Variants in RIMS1 observed in about 807,000 individuals in gnomAD.
RIMS1 encodes the protein regulating synaptic membrane exocytosis protein 1.
Under a neutral mutation model 214.1 loss-of-function variants are expected in RIMS1, and 83 were observed. The ratio of observed to expected loss-of-function variants is 0.39; its 90% CI spans 0.32 to 0.47. RIMS1 has a LOEUF of 0.47. RIMS1 is among the 20% of genes least tolerant of loss of function. RIMS1 has a pLI of 0.99. For missense variants in RIMS1, 2,050 were observed against 2,161.8 expected, an observed-to-expected ratio of 0.95 and a Z score of 1.03; for synonymous variants, 793 against 786.8, an observed-to-expected ratio of 1.01 and a Z score of -0.13.
At chr6:72,356,560 A>C (rs1037900790) in intron 29 of RIMS1, among the ~76,000 whole-genome samples, 2 of 151,224 alleles carry the variant, frequency 1.3e-5, no homozygotes, top group Admixed American at 1.3e-4. Flanking sequence ...GGAGTTCAAG[A>C]CCAGTCTGGC....
At chr6:72,290,621 G>T (rs1438649614) in intron 24 of RIMS1, 58 bp from the exon 25 acceptor site, 1 of 1,466,564 alleles carries the variant, frequency 6.8e-7, no homozygotes, top group Non-Finnish European at 9.3e-7. Context: ...AAATGTGTTG[G>T]TATCAAAGTT....
chr6:71,930,632 T>A (rs1190903502), intron 1 of RIMS1, among the ~76,000 whole-genome samples: 1 of 152,060 alleles, frequency 6.6e-6, no homozygotes, highest in Non-Finnish European at 1.5e-5. Context: ...ATTTTACTGG[T>A]TTTTGAGTGA....
At chr6:72,047,120 T>C (rs17491332) in intron 2 of RIMS1, among the ~76,000 whole-genome samples, 17,461 of 152,226 alleles carry the variant, frequency 0.11, 1,193 homozygotes, top group South Asian at 0.17. Context: ...AATAGATATT[T>C]TTTAAAGCAA....
chr6:72,284,473 A>G lies in RIMS1; in HGVS notation c.3554+355A>G, dbSNP rs542457006. On this transcript the variant is annotated intron_variant, in intron 24 of 33. Coordinates refer to ENST00000521978, the MANE Select transcript of RIMS1 (RefSeq NM_014989.7). ...TACCAATGAATGTAGTGCCTGGAAT[A>G]TGCAAATTATTGACTGTCTTATTTA... Among the ~76,000 whole-genome samples, 16 of 152,130 alleles carry G rather than the reference A, an allele frequency of 1.1e-4. No individual in the cohort carries two copies. In the South Asian group the frequency reaches 3.3e-3, roughly 32 times the overall value.
chr6:72,385,218 A>G (rs1009942628), intron 29 of RIMS1, among the ~76,000 whole-genome samples: 2 of 152,214 alleles, frequency 1.3e-5, no homozygotes, highest in African/African-American at 4.8e-5. Flanking sequence ...AATGGATACA[A>G]ATAATTAATA....
intron 2 of RIMS1, among the ~76,000 whole-genome samples, chr6:72,069,895 T>TG (rs1387238181): frequency 6.6e-6 from 1 of 152,204 alleles, no homozygotes; most frequent in Admixed American, 6.5e-5. Context: ...TTGTATGTGT[T>TG]GGGATGAGAT....
Position 72,335,234 on chromosome 6 carries a change from C to T in RIMS1, c.4366+1399C>T, listed in dbSNP as rs562388390. The stretch of plus-strand genomic sequence containing the variant: ...ATTTCTGCTATCCCTCCCCTAGGCC[C>T]CCACCTGCTGACAGGCCCCGGTGTG... On this transcript the variant is annotated intron_variant, in intron 29 of 33. Transcript: ENST00000521978. Among the ~76,000 whole-genome samples, 68 of 152,066 alleles carry T rather than the reference C, an allele frequency of 4.5e-4. No homozygotes were observed. In the South Asian group the frequency reaches 7.7e-3, roughly 17 times the overall value.
intron 16 of RIMS1, among the ~76,000 whole-genome samples, chr6:72,253,891 G>A (rs1461710220): frequency 2.0e-5 from 3 of 151,982 alleles, no homozygotes; most frequent in Non-Finnish European, 4.4e-5. Context: ...ATTTGAGACG[G>A]AGTCTCACTC....
At chr6:72,184,836 A>G (rs1198685636) in intron 6 of RIMS1, among the ~76,000 whole-genome samples, 1 of 152,192 alleles carries the variant, frequency 6.6e-6, no homozygotes, top group Non-Finnish European at 1.5e-5. Context: ...TAAGGCAGGA[A>G]GGGTTAGGCT....
At chr6:72,296,036 A>G (rs1454066292) in intron 26 of RIMS1, 1 of 195,058 alleles carries the variant, frequency 5.1e-6, no homozygotes, top group East Asian at 1.8e-4. Flanking sequence ...CAAGAGTTAT[A>G]TAACTGTATT....
At chr6:72,291,500 C>T (rs1487528655) in intron 25 of RIMS1, among the ~76,000 whole-genome samples, 1 of 152,124 alleles carries the variant, frequency 6.6e-6, no homozygotes, top group African/African-American at 2.4e-5. Context: ...GAATTCTTAT[C>T]AGTTATAAAT....
intron 29 of RIMS1, among the ~76,000 whole-genome samples, chr6:72,389,967 C>T (rs1437948889): frequency 6.6e-6 from 1 of 152,106 alleles, no homozygotes; most frequent in African/African-American, 2.4e-5. Flanking sequence ...AGTCAAAAGG[C>T]CATGAGGTAG....
At chr6:72,239,853 T>G (rs2065958988) in intron 9 of RIMS1, among the ~76,000 whole-genome samples, 1 of 152,176 alleles carries the variant, frequency 6.6e-6, no homozygotes, top group Non-Finnish European at 1.5e-5. Context: ...TCAGGCTGTT[T>G]CCCACCTAGA....
chr6:71,969,537 G>C (rs146614110), intron 2 of RIMS1, among the ~76,000 whole-genome samples: 101 of 152,240 alleles, frequency 6.6e-4, no homozygotes, highest in African/African-American at 2.3e-3. Context: ...GGCTGGGCAC[G>C]GTGGCTCATG....
chr6:72,021,050 A>G (rs67397465), intron 2 of RIMS1, among the ~76,000 whole-genome samples: 10,216 of 152,238 alleles, frequency 0.067, 391 homozygotes, highest in Non-Finnish European at 0.082. Context: ...TAGATGATTC[A>G]CTCACTCTCT....
intron 2 of RIMS1, among the ~76,000 whole-genome samples, chr6:72,095,942 C>T (rs916963037): frequency 4.6e-5 from 7 of 152,226 alleles, no homozygotes; most frequent in African/African-American, 1.7e-4. Flanking sequence ...AGGCTCAGGA[C>T]AACTCTCAGT....
At chr6:71,906,779 G>A (rs1775378432) in intron 1 of RIMS1, among the ~76,000 whole-genome samples, 1 of 152,124 alleles carries the variant, frequency 6.6e-6, no homozygotes, top group African/African-American at 2.4e-5. Context: ...GGGATGGGTG[G>A]GAGGAGCAAA....
intron 29 of RIMS1, among the ~76,000 whole-genome samples, chr6:72,341,150 C>T (rs1354133258): frequency 6.6e-6 from 1 of 152,004 alleles, no homozygotes; most frequent in Admixed American, 6.6e-5. Context: ...TGAGACTTTG[C>T]TGAAGTTGTT....
intron 6 of RIMS1, among the ~76,000 whole-genome samples, chr6:72,187,479 G>GTTTTTTTTTTTTTTTTTTTTTT (rs61420518): frequency 1.6e-5 from 2 of 125,616 alleles, no homozygotes. Context: ...TATCCTTTTT[G>GTTTTTTTTTTTTTTTTTTTTTT]TTTTTTTTTT....
Sources: allele counts gnomAD v4.1 joint callset (sites outside exome capture counted in the v4.1 genomes callset), GRCh38; gene constraint gnomAD v4.1.1; transcripts MANE v1.5; gene names NCBI Gene and HGNC (gene_info 2026-07-23, HGNC 2026-07-21).